Variants in ADAM33 observed in about 807,000 individuals in gnomAD.
ADAM33 encodes ADAM metallopeptidase domain 33.
A neutral mutation model predicts 106.2 loss-of-function variants in ADAM33; 103 were observed. The ratio of observed to expected loss-of-function variants is 0.97; its 90% confidence interval spans 0.83 to 1.14. The LOEUF is 1.14. Ranked by LOEUF, ADAM33 falls within the 50% of genes most tolerant of loss-of-function variation. ADAM33 has a pLI of 0.00. For synonymous variants in ADAM33, 483 were observed against 453.0 expected, an observed-to-expected ratio of 1.07 and a Z score of -0.84; for missense variants, 1,120 against 1,096.6, an observed-to-expected ratio of 1.02 and a Z score of -0.30.
At chr20:3,679,454 C>T in intron 2 of ADAM33, 38 bp downstream of exon 2, 12 of 1,573,262 alleles carry the variant, frequency 7.6e-6, no homozygotes, top group Non-Finnish European at 1.0e-5. Context: ...CTGGGAGGTT[C>T]AGGGCCCCTG....
chr20:3,675,251 T>C lies in ADAM33; in HGVS notation c.255-146A>G. Reference sequence around the variant, plus strand: ...TGTCTTAGGGAAGGGACAGGAGCAATGGTGACTTGCTCAGATCAGAAACTC... The same window carrying C: ...TGTCTTAGGGAAGGGACAGGAGCAACGGTGACTTGCTCAGATCAGAAACTC... On this transcript the variant is annotated intron_variant, in intron 3 of 21. Coordinates refer to ENST00000356518, the MANE Select transcript of ADAM33 (RefSeq NM_025220.5). This position sits in a 1 kb window ranked among gnomAD's most constrained non-coding sequence, Gnocchi z 4.1. 2 of 652,102 alleles carry C rather than the reference T, an allele frequency of 3.1e-6. No individual in the cohort carries two copies. Among genetic ancestry groups the C allele is most frequent in the African/African-American group, 1.8e-5 (1 of 55,020 alleles). 40.4% of individuals were successfully genotyped at this position (652,102 alleles called of 1,614,324 possible). A position where few individuals can be genotyped will look rare whatever the true frequency, so the allele number is the denominator to read the frequency against.
In ADAM33 at chr20:3,675,413, A is replaced by C. The variant is rs113529061; in HGVS notation, c.255-308T>G. Among the ~76,000 whole-genome samples, 1 of 152,254 alleles carries C rather than the reference A, an allele frequency of 6.6e-6. No homozygotes were observed. The highest frequency in any genetic ancestry group is 2.4e-5 in the African/African-American group (1 of 41,528). ...TCCCAGGGGACCTGCAGCAGGCAGC[A>C]GGATCCACAGGATCGGGAGGGGAGG... On this transcript the variant is annotated intron_variant, in intron 3 of 21. Coordinates refer to ENST00000356518, the MANE Select transcript of ADAM33 (RefSeq NM_025220.5). This position sits in a 1 kb window ranked among gnomAD's most constrained non-coding sequence, Gnocchi z 4.1.
At chr20:3,673,027 G>T (rs1442366694) in intron 11 of ADAM33, 129 bp from the exon 12 acceptor site, 3 of 1,434,348 alleles carry the variant, frequency 2.1e-6, no homozygotes, top group East Asian at 5.0e-5. Context: ...AGTAACCCGC[G>T]CAAAGTCACA....
chr20:3,672,393 G>T (rs750879408), intron 13 of ADAM33, 64 bp from the exon 14 acceptor site: 90 of 1,585,566 alleles, frequency 5.7e-5, no homozygotes, highest in Non-Finnish European at 6.9e-5. Context: ...GGTCCATGCC[G>T]AGAGCGCGGC....
rs1568795204 is a variant in ADAM33 at position 3,669,892 on chromosome 20, G to GGC, written c.2241-256_2241-255insGC. On this transcript the variant is annotated intron_variant, in intron 19 of 21. Coordinates refer to ENST00000356518, the MANE Select transcript of ADAM33 (RefSeq NM_025220.5). Reference sequence around the variant, plus strand: ...AGTCCTAACATTTCCTCCAGGCTCTGACAGCAGCCTGGCACTCTCCAGATG... The same window carrying GGC: ...AGTCCTAACATTTCCTCCAGGCTCTGGCACAGCAGCCTGGCACTCTCCAGATG... 2.4e-5 allele frequency: 7 copies of GGC among 285,962 alleles called. No homozygotes were observed. The African/African-American group carries it at 6.1e-4, about 25-fold the overall frequency. The allele number at this position is 285,962 out of a possible 1,614,324, so 17.7% of individuals were successfully genotyped here. A position where few individuals can be genotyped will look rare whatever the true frequency, so the allele number is the denominator to read the frequency against.
At chr20:3,679,265 G>A (rs1008666410) in intron 2 of ADAM33, among the ~76,000 whole-genome samples, 2 of 151,766 alleles carry the variant, frequency 1.3e-5, no homozygotes. Flanking sequence ...GAGGTGGGGT[G>A]GAGAAAGCTG....
chr20:3,669,247 T>A lies in ADAM33; in HGVS notation c.2404+52A>T, dbSNP rs372224367. 3 of 1,212,770 alleles carry A rather than the reference T, an allele frequency of 2.5e-6. No homozygotes were observed. The African/African-American group carries it at 5.6e-5, about 22-fold the overall frequency. 75.1% of individuals were successfully genotyped at this position (1,212,770 alleles called of 1,614,324 possible). A position where few individuals can be genotyped will look rare whatever the true frequency, so the allele number is the denominator to read the frequency against. Reference sequence around the variant, plus strand: ...GCAGCAAACTGAGGGGTGGGAGAGGTGGGAGGGTGGGCGATGAGAGGGGGA... The same window carrying A: ...GCAGCAAACTGAGGGGTGGGAGAGGAGGGAGGGTGGGCGATGAGAGGGGGA... On this transcript the variant is annotated intron_variant, in intron 21 of 21. Transcript: ENST00000356518.
Position 3,671,662 on chromosome 20 carries a change from T to C in ADAM33, c.1824A>G (p.Gly608=). Residue 608 remains glycine (G), a synonymous_variant, in exon 16 of 22, where the codon GGA becomes GGG. Transcript: ENST00000356518. ...GCTGGGCACTGGGGAGTGCCAAGGC[T>C]CCCCGACAAGTCACTTCCTGGCCAT... ...HLDGQEVTCR[G]ALALPSAQLD... is the part of the protein sequence containing the mutation. 6.3e-7 allele frequency: 1 copy of C among 1,580,380 alleles called. No individual in the cohort carries two copies. Among genetic ancestry groups the C allele is most frequent in the African/African-American group, 1.4e-5 (1 of 74,048 alleles).
chr20:3,671,065 G>A lies in ADAM33; in HGVS notation c.2181C>T (p.Leu727=). ...GAGLAWCCYR[L]PGAHLQRCSW... ...TGCATCGCTGCAGATGGGCTCCTGGGAGTCGGTAGCAACACCAGGCCAGGC... is the reference window on the plus strand; with the variant it reads ...TGCATCGCTGCAGATGGGCTCCTGGAAGTCGGTAGCAACACCAGGCCAGGC... The change falls in exon 19 of 22, where the codon CTC becomes CTT. Residue 727 remains leucine (L), a synonymous_variant. Coordinates refer to ENST00000356518, the MANE Select transcript of ADAM33 (RefSeq NM_025220.5). 6.4e-7 allele frequency: 1 copy of A among 1,571,596 alleles called. No homozygotes were observed. Among genetic ancestry groups the A allele is most frequent in the East Asian group, 2.3e-5 (1 of 42,620 alleles).
At chr20:3,676,978 C>T (rs1181910627) in intron 3 of ADAM33, 89 bp downstream of exon 3, 11 of 1,408,112 alleles carry the variant, frequency 7.8e-6, no homozygotes, top group Non-Finnish European at 9.6e-6. Context: ...GGGTCCTCTG[C>T]CCATCCAGCC....
intron 10 of ADAM33, 21 bp downstream of exon 10, chr20:3,673,553 G>A (rs1289872234): frequency 3.6e-6 from 5 of 1,402,842 alleles, no homozygotes; most frequent in Middle Eastern, 2.1e-4. Context: ...TCTCTCCCTC[G>A]CCCCCGCCCG....
chr20:3,679,152 T>TTTTC lies in ADAM33; in HGVS notation c.177+339_177+340insGAAA, dbSNP rs1411871319. 2.0e-5 allele frequency among the ~76,000 whole-genome samples: 3 copies of TTTTC among 150,396 alleles called. No individual in the cohort carries two copies. The East Asian group carries it at 5.8e-4, about 29-fold the overall frequency. ...TTTTTGGTGCTTTTTTTTTTTTTTT[T>TTTTC]TTAGAGGCTCCTGAAAAGCTTCAGG... is the stretch of plus-strand genomic sequence containing the variant. On this transcript the variant is annotated intron_variant, in intron 2 of 21. Coordinates refer to ENST00000356518, the MANE Select transcript of ADAM33 (RefSeq NM_025220.5).
intron 11 of ADAM33, 139 bp from the exon 12 acceptor site, chr20:3,673,037 A>G: frequency 7.0e-7 from 1 of 1,434,544 alleles, no homozygotes. Context: ...GCAAAGTCAC[A>G]CAACAAGCGG....
chr20:3,679,604 A>T (rs369829407), intron 1 of ADAM33, 33 bp from the exon 2 acceptor site: 2 of 1,572,308 alleles, frequency 1.3e-6, no homozygotes, highest in Non-Finnish European at 1.7e-6. Flanking sequence ...GGTGAGGGGG[A>T]CCTGAGGAAC....
chr20:3,678,413 G>A (rs560170004), intron 2 of ADAM33, among the ~76,000 whole-genome samples: 1 of 152,320 alleles, frequency 6.6e-6, no homozygotes, highest in African/African-American at 2.4e-5. Context: ...CAGACAGGGA[G>A]GCCCAGAGGC....
chr20:3,672,653 C>A lies in ADAM33; in HGVS notation c.1312-27G>T, dbSNP rs745871466. On this transcript the variant is annotated intron_variant, in intron 12 of 21. Coordinates refer to ENST00000356518, the MANE Select transcript of ADAM33 (RefSeq NM_025220.5). Reference sequence around the variant, plus strand: ...TGGGACCAGAAAGGCAAGAAGGGCCCAGGTGAGGGCGCAGCGCCCCAGACC... The same window carrying A: ...TGGGACCAGAAAGGCAAGAAGGGCCAAGGTGAGGGCGCAGCGCCCCAGACC... The A allele has an allele frequency of 5.0e-6, 8 of 1,612,140 alleles. No individual in the cohort carries two copies. The South Asian group carries it at 7.7e-5, about 16-fold the overall frequency.
At chr20:3,672,692 C>G (rs1418175049) in intron 12 of ADAM33, 29 bp downstream of exon 12, 1 of 1,594,752 alleles carries the variant, frequency 6.3e-7, no homozygotes. Context: ...GCGGAGAGGG[C>G]AAGTGGGGGC....
intron 1 of ADAM33, among the ~76,000 whole-genome samples, chr20:3,680,182 G>A (rs771092389): frequency 3.3e-5 from 5 of 152,068 alleles, no homozygotes; most frequent in Non-Finnish European, 7.4e-5. Context: ...TGTGCCTAAG[G>A]GGGCTCTAGG....
Position 3,671,461 on chromosome 20 carries a change from G to C in ADAM33, c.1941C>G (p.Phe647Leu). 1 of 1,611,992 alleles carries C rather than the reference G, an allele frequency of 6.2e-7. No homozygotes were observed. Among genetic ancestry groups the C allele is most frequent in the Non-Finnish European group, 8.5e-7 (1 of 1,178,958 alleles). ...CAGTCAGGCAGCGCTGAAGCTCCTG[G>C]AAGGCATTCTTCCTGCAGCGCCTGC... ...CQSRRCRKNAFQELQRCLTAC... is the reference protein window; with the variant it reads ...CQSRRCRKNALQELQRCLTAC... Residue 647 changes from phenylalanine (F) to leucine (L), a missense_variant, in exon 17 of 22, where the codon TTC (phenylalanine) becomes TTG (leucine). Coordinates refer to ENST00000356518, the MANE Select transcript of ADAM33 (RefSeq NM_025220.5).
Sources: gnomAD v4.1 joint callset for allele counts (sites outside exome capture counted in the v4.1 genomes callset) on GRCh38, gnomAD v4.1.1 for gene constraint, Gnocchi (gnomAD v3.1) non-coding constraint, MANE v1.5 for transcripts, NCBI Gene and HGNC (gene_info 2026-07-23, HGNC 2026-07-21) for gene names.